The following TTN variants were observed in gnomAD, a reference collection of about 807,000 sequenced individuals.
TTN encodes the protein connectin.
A neutral mutation model predicts 3,223.0 loss-of-function variants in TTN; 1,525 were observed. That is an observed-to-expected ratio of 0.47 (90% confidence interval 0.45 to 0.49). TTN has a LOEUF of 0.49. Among genes scored for constraint, TTN ranks in the 20% least tolerant of loss-of-function variants. The pLI is 0.00. For missense variants in TTN, 40,786 were observed against 43,424.0 expected, an observed-to-expected ratio of 0.94 and a Z score of 5.40; for synonymous variants, 14,094 against 15,161.0, an observed-to-expected ratio of 0.93 and a Z score of 5.17.
chr2:178,715,327 C>A, intron 89 of TTN, 63 bp from the exon 90 acceptor site: 1 of 1,522,330 alleles, frequency 6.6e-7, no homozygotes, highest in African/African-American at 1.4e-5. Context: ...AAGTAAGAAT[C>A]AATCTTCCAC....
chr2:178,595,508 T>G lies in TTN; in HGVS notation c.57846A>C (p.Ile19282=). ...TSEALVIREP[I]TVPERPEDLE... ...ATACATTTTTTTTTTTTTACTTACT[T>G]ATTGGCTCTCTGATAACAAGTGCCT... The change falls in exon 295 of 363, where the codon ATA becomes ATC. Residue 19282 remains isoleucine (I), a splice_region_variant and synonymous_variant. Coordinates refer to ENST00000589042, the MANE Select transcript of TTN (RefSeq NM_001267550.2). The G allele has an allele frequency of 1.3e-6, 2 of 1,552,446 alleles. No homozygotes were observed. The highest frequency in any genetic ancestry group is 2.4e-5 in the South Asian group (2 of 83,586).
At chr2:178,736,866 T>A (rs977523185) in intron 49 of TTN, among the ~76,000 whole-genome samples, 3 of 152,170 alleles carry the variant, frequency 2.0e-5, no homozygotes, top group Non-Finnish European at 4.4e-5. Context: ...TTTCTTAGGA[T>A]CACGTAAAAG....
At position 178,714,446 on chromosome 2, in the gene TTN, G is replaced by T. The variant is rs779251598; in HGVS notation, c.26328C>A (p.Ile8776=). Residue 8776 remains isoleucine (I), a synonymous_variant, in exon 91 of 363, where the codon ATC becomes ATA. Transcript: ENST00000589042. The part of the protein sequence containing the change: ...SVVWFKDKGE[I]VRESDNIWIS... ...TCCATATGTTGTCACTTTCTCTAAC[G>T]ATTTCTCCCTTATCTTTGAACCACA... 6.2e-7 allele frequency: 1 copy of T among 1,613,456 alleles called. No individual in the cohort carries two copies. Among genetic ancestry groups the T allele is most frequent in the African/African-American group, 1.3e-5 (1 of 74,876 alleles).
Position 178,725,349 on chromosome 2 carries a change from C to G in TTN, c.20836+19G>C. The stretch of plus-strand genomic sequence containing the variant: ...TCCAGCATTTGGCACCAGTTTCTAT[C>G]GTGGGCTATTGTACCAACCTAAGAC... On this transcript the variant is annotated intron_variant, in intron 71 of 362. Transcript: ENST00000589042. The G allele has an allele frequency of 6.9e-7, 1 of 1,458,184 alleles. No individual in the cohort carries two copies. Among genetic ancestry groups the G allele is most frequent in the African/African-American group, 1.4e-5 (1 of 70,556 alleles). The allele number at this position is 1,458,184 out of a possible 1,614,324, so 90.3% of individuals were successfully genotyped here.
Position 178,654,213 on chromosome 2 carries a change from G to T in TTN, c.38375C>A (p.Ala12792Glu), listed in dbSNP as rs750718327. 1 of 1,595,896 alleles carries T rather than the reference G, an allele frequency of 6.3e-7. No individual in the cohort carries two copies. Residue 12792 changes from alanine to glutamate, a missense_variant, in exon 193 of 363, where the codon GCA becomes GAA. Ala to Glu is a moderately radical substitution (Grantham distance 107). Coordinates refer to ENST00000589042, the MANE Select transcript of TTN (RefSeq NM_001267550.2). ...AGAGGAGAGGGAATAAATACCTTTTGCACGTGGGGCTTCCGGTTTTTTGGG... is the reference window on the plus strand; with the variant it reads ...AGAGGAGAGGGAATAAATACCTTTTTCACGTGGGGCTTCCGGTTTTTTGGG... ...AVPKKPEAPR[A>E]KVPEAAQEVV...
chr2:178,788,731 C>T (rs536377753), intron 13 of TTN, among the ~76,000 whole-genome samples: 15 of 152,044 alleles, frequency 9.9e-5, no homozygotes, highest in Admixed American at 3.9e-4. Flanking sequence ...CAAATAGATA[C>T]GGTAATCTTT....
intron 330 of TTN, chr2:178,556,460 A>G: frequency 4.7e-6 from 1 of 213,436 alleles, no homozygotes; most frequent in Non-Finnish European, 8.6e-6. Context: ...ACAAACAAAA[A>G]AAAAAAAACC....
At chr2:178,729,199 A>T in intron 64 of TTN, 30 bp from the exon 65 acceptor site, 1 of 1,549,020 alleles carries the variant, frequency 6.5e-7, no homozygotes, top group Non-Finnish European at 8.7e-7. Context: ...TGTGAAAAGA[A>T]GAAACATATT....
rs775103234 is a variant in TTN at position 178,559,701 on chromosome 2, T to A, written c.86431A>T (p.Thr28811Ser). 6.2e-7 allele frequency: 1 copy of A among 1,607,904 alleles called. No individual in the cohort carries two copies. Among genetic ancestry groups the A allele is most frequent in the Non-Finnish European group, 8.5e-7 (1 of 1,176,742 alleles). ...VDTTDSRTSL[T>S]IENANRNDSG... ...TCATTTCTGTTGGCATTTTCAATGG[T>A]CAGTGATGTACGAGAGTCTGTGGTA... Residue 28811 changes from threonine to serine, a missense_variant, in exon 326 of 363, where the codon ACC becomes TCC. Coordinates refer to ENST00000589042, the MANE Select transcript of TTN (RefSeq NM_001267550.2).
chr2:178,570,392 G>T lies in TTN; in HGVS notation c.75740C>A (p.Thr25247Asn). 2 of 1,613,186 alleles carry T rather than the reference G, an allele frequency of 1.2e-6. No homozygotes were observed. Among genetic ancestry groups the T allele is most frequent in the Non-Finnish European group, 8.5e-7 (1 of 1,179,590 alleles). ...IINYIVERRE[T>N]SRLVWTVVDA... is the part of the protein sequence containing the mutation. ...AACCACAGTCCAAACTAAGCGGCTG[G>T]TTTCTCTCCTTTCCACAATATAATT... The change falls in exon 326 of 363, where the codon ACC becomes AAC. Residue 25247 changes from threonine to asparagine, a missense_variant. Transcript: ENST00000589042.
In TTN at chr2:178,712,156, T is replaced by G; in HGVS notation, c.27674A>C (p.Gln9225Pro). ...TTCAGGGGTTCCAGCAAGCTGGCAT[T>G]GTAGAGAGGCAGAATCTCCAACAGA... ...KVSVGDSASL[Q>P]CQLAGTPEIG... The change falls in exon 96 of 363, where the codon CAA becomes CCA. Residue 9225 changes from glutamine to proline, a missense_variant. Transcript: ENST00000589042. 6.2e-7 allele frequency: 1 copy of G among 1,613,818 alleles called. No homozygotes were observed. Among genetic ancestry groups the G allele is most frequent in the Non-Finnish European group, 8.5e-7 (1 of 1,179,784 alleles).
intron 110 of TTN, 83 bp downstream of exon 110, chr2:178,701,445 G>A: frequency 7.1e-7 from 1 of 1,413,582 alleles, no homozygotes; most frequent in East Asian, 2.3e-5. Context: ...CTGCAGTTTG[G>A]TCGCTGGTAT....
chr2:178,586,926 T>A (rs1432190738), intron 307 of TTN, 119 bp from the exon 308 acceptor site: 1 of 1,415,914 alleles, frequency 7.1e-7, no homozygotes, highest in Admixed American at 2.2e-5. Context: ...TGTAGTTCAG[T>A]ACATTAAAAG....
rs375693396 is a variant in TTN at position 178,570,605 on chromosome 2, C to T, written c.75527G>A (p.Arg25176His). Residue 25176 changes from arginine to histidine, a missense_variant, in exon 326 of 363, where the codon CGT becomes CAT. By Grantham distance (29) the Arg-to-His change is conservative (BLOSUM62 0). Coordinates refer to ENST00000589042, the MANE Select transcript of TTN (RefSeq NM_001267550.2). The stretch of plus-strand genomic sequence containing the variant: ...CAGTATGTAATTTCCACTGTCGACA[C>T]GTACTGCATCTTTTACACTGAGACT... ...ATSLSVKDAV[R>H]VDSGNYILKA... is the part of the protein sequence containing the mutation. The T allele has an allele frequency of 1.2e-4, 195 of 1,613,416 alleles. No homozygotes were observed. Among genetic ancestry groups the T allele is most frequent in the Admixed American group, 2.3e-4 (14 of 59,968 alleles).
intron 160 of TTN, 34 bp from the exon 161 acceptor site, chr2:178,667,559 T>G: frequency 6.3e-7 from 1 of 1,581,732 alleles, no homozygotes; most frequent in Non-Finnish European, 8.5e-7. Context: ...TATTTATAAA[T>G]GGTGAAGAAA....
In TTN at chr2:178,541,560, A is replaced by AATG; in HGVS notation, c.97514_97516dup (p.Thr32505_Leu32506insSer). Reference sequence around the variant, plus strand: ...ATCACGGGAAACATCAAATATCTGTAATGTTTCTGGGGGTCCAGGAATACC... The same window carrying AATG: ...ATCACGGGAAACATCAAATATCTGTAATGATGTTTCTGGGGGTCCAGGAATACC... On this transcript the variant is annotated inframe_insertion, in exon 350 of 363. Coordinates refer to ENST00000589042, the MANE Select transcript of TTN (RefSeq NM_001267550.2). 1 of 1,610,988 alleles carries AATG rather than the reference A, an allele frequency of 6.2e-7. No homozygotes were observed. The highest frequency in any genetic ancestry group is 1.7e-5 in the Admixed American group (1 of 59,810).
At chr2:178,595,938 T>A in intron 294 of TTN, 129 bp from the exon 295 acceptor site, 1 of 902,440 alleles carries the variant, frequency 1.1e-6, no homozygotes, top group Non-Finnish European at 1.6e-6. Context: ...ACTAATTGAG[T>A]TAGTTTTTCC....
chr2:178,537,640 G>C lies in TTN; in HGVS notation c.99567C>G (p.Leu33189=), dbSNP rs745708104. 6.8e-6 allele frequency: 11 copies of C among 1,613,632 alleles called. No individual in the cohort carries two copies. In the Admixed American group the frequency reaches 1.3e-4, roughly 20 times the overall value. Reference sequence around the variant, plus strand: ...GATGGAACTGCGGTGTTGCTTGCAGGAGAAGCTTACTACTGGTTTCTACTT... The same window carrying C: ...GATGGAACTGCGGTGTTGCTTGCAGCAGAAGCTTACTACTGGTTTCTACTT... The part of the protein sequence containing the change: ...VGEVETSSKL[L]LQATPQFHPG... The change falls in exon 355 of 363, where the codon CTC becomes CTG. Residue 33189 remains leucine, a synonymous_variant. Coordinates refer to ENST00000589042, the MANE Select transcript of TTN (RefSeq NM_001267550.2).
chr2:178,630,112 T>C, intron 239 of TTN, 129 bp downstream of exon 239: 1 of 1,343,112 alleles, frequency 7.4e-7, no homozygotes. Flanking sequence ...AAGTGGCAAA[T>C]ACAAGAGAGC....
Sources: allele counts gnomAD v4.1 joint callset (sites outside exome capture counted in the v4.1 genomes callset), GRCh38; gene constraint gnomAD v4.1.1; transcripts MANE v1.5; gene names NCBI Gene and HGNC (gene_info 2026-07-23, HGNC 2026-07-21).